The following DTD1 variants were observed in gnomAD, a reference collection of about 807,000 sequenced individuals.
DTD1 encodes the protein D-tyrosyl-tRNA deacylase 1 homolog.
In DTD1, 13 loss-of-function variants were observed where a neutral mutation model predicts 25.6. The observed-to-expected ratio is 0.51, with a 90% CI of 0.33 to 0.81. The LOEUF is 0.81. Ranked by LOEUF, DTD1 falls within the 30% of genes least tolerant of loss-of-function variation. The pLI, the probability that DTD1 is intolerant of heterozygous loss-of-function variation, is 0.02. For missense variants in DTD1, 193 were observed against 266.4 expected (o/e 0.72, Z 1.92); for synonymous variants, 110 against 103.6 (o/e 1.06, Z -0.37).
At chr20:18,667,912 C>T (rs1046310405) in intron 4 of DTD1, among the ~76,000 whole-genome samples, 3 of 152,158 alleles carry the variant, frequency 2.0e-5, no homozygotes, top group Admixed American at 1.3e-4. Context: ...ATCTACCTAC[C>T]TCAGGTGGGA....
At chr20:18,741,880 G>C (rs1406951) in intron 4 of DTD1, among the ~76,000 whole-genome samples, 2 of 148,460 alleles carry the variant, frequency 1.3e-5, no homozygotes, top group Middle Eastern at 3.4e-3. Flanking sequence ...GTGCCACCAC[G>C]CCTGGCTAAC....
chr20:18,632,240 G>C (rs2060791413), intron 4 of DTD1: 1 of 985,302 alleles, frequency 1.0e-6, no homozygotes, highest in African/African-American at 1.7e-5. Flanking sequence ...GATTAAAAAA[G>C]ACTTTTAGTT....
intron 4 of DTD1, among the ~76,000 whole-genome samples, chr20:18,743,503 G>C (rs1311268945): frequency 3.3e-5 from 5 of 151,972 alleles, no homozygotes; most frequent in African/African-American, 9.7e-5. Flanking sequence ...AGAACAGCTT[G>C]GGCAACATGG....
At chr20:18,709,408 G>T (rs188820474) in intron 4 of DTD1, among the ~76,000 whole-genome samples, 79 of 152,120 alleles carry the variant, frequency 5.2e-4, no homozygotes, top group Non-Finnish European at 9.1e-4. Flanking sequence ...CTCCCTCATG[G>T]TCATTATTTC....
intron 3 of DTD1, among the ~76,000 whole-genome samples, chr20:18,616,186 T>A (rs1387874133): frequency 6.6e-6 from 1 of 152,214 alleles, no homozygotes; most frequent in Non-Finnish European, 1.5e-5. Context: ...GACACAGATG[T>A]CCAACTGATT....
intron 4 of DTD1, among the ~76,000 whole-genome samples, chr20:18,652,634 C>G (rs550545879): frequency 6.6e-6 from 1 of 152,140 alleles, no homozygotes; most frequent in African/African-American, 2.4e-5. Context: ...GTCTGGCACC[C>G]ATAAGCGGAC....
chr20:18,640,468 T>C (rs1475594809), intron 4 of DTD1, among the ~76,000 whole-genome samples: 4 of 152,174 alleles, frequency 2.6e-5, no homozygotes, highest in Non-Finnish European at 5.9e-5. Flanking sequence ...AAAATATGTT[T>C]ACCCACATTT....
chr20:18,628,338 G>A (rs2060768329), intron 4 of DTD1, 105 bp downstream of exon 4: 9 of 861,762 alleles, frequency 1.0e-5, no homozygotes, highest in Non-Finnish European at 1.3e-5. Context: ...TTGTTGCAAC[G>A]TTGTATTTAT....
rs1224043426 is a variant in DTD1, at chr20:18,764,413, A to C, written c.*1073A>C. 1.3e-5 allele frequency: 2 copies of C among 152,230 alleles called. No individual in the cohort carries two copies. Among genetic ancestry groups the C allele is most frequent in the African/African-American group, 2.4e-5 (1 of 41,454 alleles). 9.4% of individuals were successfully genotyped at this position (152,230 alleles called of 1,614,324 possible). A position where few individuals can be genotyped will look rare whatever the true frequency, so the allele number is the denominator to read the frequency against. On this transcript the variant is annotated 3_prime_UTR_variant, in exon 6 of 6. Transcript: ENST00000377452. The stretch of plus-strand genomic sequence containing the variant: ...TAGTCATTTTTTGACATATGATTTA[A>C]TAGCTTTATTTATATATCTAATAAC...
intron 4 of DTD1, among the ~76,000 whole-genome samples, chr20:18,659,260 A>G (rs1357413340): frequency 1.3e-5 from 2 of 152,158 alleles, no homozygotes; most frequent in Admixed American, 6.5e-5. Context: ...AAACTTCGTC[A>G]AAAGCAGTGC....
At chr20:18,757,341 T>C (rs2061343270) in intron 5 of DTD1, among the ~76,000 whole-genome samples, 1 of 152,228 alleles carries the variant, frequency 6.6e-6, no homozygotes, top group African/African-American at 2.4e-5. Context: ...GGCATCCCTG[T>C]CTTGTGTGAG....
chr20:18,740,808 G>A (rs1166080756), intron 4 of DTD1, among the ~76,000 whole-genome samples: 2 of 152,166 alleles, frequency 1.3e-5, no homozygotes, highest in Non-Finnish European at 2.9e-5. Context: ...AAGGAGTCCT[G>A]TATACTGTCC....
At chr20:18,636,816 G>A (rs2122328745) in intron 4 of DTD1, among the ~76,000 whole-genome samples, 1 of 152,326 alleles carries the variant, frequency 6.6e-6, no homozygotes, top group South Asian at 2.1e-4. Flanking sequence ...TGTGTGCAGA[G>A]ATTACACATT....
rs187992550 is a variant in DTD1, at chr20:18,751,869, G to T, written c.*19+7598G>T. Among the ~76,000 whole-genome samples, 1,487 of 149,134 alleles carry T rather than the reference G, an allele frequency of 1.0e-2. 29 individuals are homozygous for T. Among genetic ancestry groups the T allele is most frequent in the African/African-American group, 0.035 (1,414 of 40,898 alleles). ...TTTTTTTTTTGTTGTTGTTGTTGTT[G>T]TTGTTTTAATTTGCCTTTCTTTAAA... On this transcript the variant is annotated intron_variant, in intron 5 of 5. Coordinates refer to ENST00000377452, the MANE Select transcript of DTD1 (RefSeq NM_080820.6).
intron 4 of DTD1, among the ~76,000 whole-genome samples, chr20:18,673,447 G>C (rs973650302): frequency 1.3e-5 from 2 of 152,148 alleles, no homozygotes; most frequent in Non-Finnish European, 2.9e-5. Flanking sequence ...CTTATATAAT[G>C]TAAAGGGAAA....
At chr20:18,610,246 C>G (rs1489116721) in intron 3 of DTD1, among the ~76,000 whole-genome samples, 3 of 152,088 alleles carry the variant, frequency 2.0e-5, no homozygotes, top group Non-Finnish European at 4.4e-5. Flanking sequence ...GTTTGTATTC[C>G]TAAAAACACC....
At chr20:18,601,838 A>G (rs1335180132) in intron 3 of DTD1, among the ~76,000 whole-genome samples, 3 of 151,892 alleles carry the variant, frequency 2.0e-5, no homozygotes, top group Non-Finnish European at 4.4e-5. Flanking sequence ...ACAGAACAGA[A>G]AAACTGGAAA....
intron 4 of DTD1, among the ~76,000 whole-genome samples, chr20:18,675,892 G>T (rs2060971591): frequency 1.4e-4 from 1 of 7,256 alleles, no homozygotes; most frequent in African/African-American, 8.2e-4. Flanking sequence ...TTACGAAATG[G>T]GATCACAACA....
At chr20:18,692,612 C>CA (rs912625305) in intron 4 of DTD1, among the ~76,000 whole-genome samples, 28 of 152,312 alleles carry the variant, frequency 1.8e-4, no homozygotes, top group Admixed American at 1.5e-3. Context: ...CAAAGGGATG[C>CA]ACTAAAGGCA....
Sources: allele counts gnomAD v4.1 joint callset (sites outside exome capture counted in the v4.1 genomes callset), GRCh38; gene constraint gnomAD v4.1.1; transcripts MANE v1.5; gene names NCBI Gene and HGNC (gene_info 2026-07-23, HGNC 2026-07-21).